Variants in HOXC11 observed in about 807,000 individuals in gnomAD.
HOXC11 encodes homeobox C11, also known as homeobox protein Hox-C11.
Under a neutral mutation model 23.6 loss-of-function variants are expected in HOXC11, and 17 were observed. The observed-to-expected ratio is 0.72, with a 90% confidence interval of 0.49 to 1.08. The LOEUF (loss-of-function observed/expected upper bound fraction) is 1.08, where lower values mean the gene tolerates loss of function less well. Among genes scored for constraint, HOXC11 ranks in the 50% least tolerant of loss-of-function variants. HOXC11 has a pLI of 0.00. For missense variants in HOXC11, 413 were observed against 412.1 expected (o/e 1.00, Z -0.02); for synonymous variants, 196 against 183.8 (o/e 1.07, Z -0.54).
chr12:53,974,599 C>T (rs557053867), intron 1 of HOXC11, among the ~76,000 whole-genome samples: 52 of 152,134 alleles, frequency 3.4e-4, no homozygotes, highest in African/African-American at 1.2e-3. Context: ...GGGCGTTTCT[C>T]CCGGGTCCGC....
Position 53,973,228 on chromosome 12 carries a change from A to G in HOXC11, c.-14A>G. 1 of 1,545,468 alleles carries G rather than the reference A, an allele frequency of 6.5e-7. No homozygotes were observed. The highest frequency in any genetic ancestry group is 8.7e-7 in the Non-Finnish European group (1 of 1,150,024). On this transcript the variant is annotated 5_prime_UTR_variant, in exon 1 of 2. Coordinates refer to ENST00000546378, the MANE Select transcript of HOXC11 (RefSeq NM_014212.4). The surrounding 1 kb of genome is among the most constrained non-coding windows in gnomAD (Gnocchi z 4.3). ...TCCAAAACCTCCATCCGGAGCCGGC[A>G]GGAGAGGAGAACGATGTTTAACTCG...
Position 53,973,420 on chromosome 12 carries a change from C to G in HOXC11, c.179C>G (p.Ser60Cys), listed in dbSNP as rs1565714101. The G allele has an allele frequency of 6.2e-7, 1 of 1,614,232 alleles. No individual in the cohort carries two copies. The highest frequency in any genetic ancestry group is 8.5e-7 in the Non-Finnish European group (1 of 1,180,046). ...CCCCAGGCCCCCTCTCGTCAGATCT[C>G]CTATCCCTACTCGGCCCAAGTGCCC... is the stretch of plus-strand genomic sequence containing the variant. ...FLPQAPSRQISYPYSAQVPPV... is the reference protein window; with the variant it reads ...FLPQAPSRQICYPYSAQVPPV... Residue 60 changes from serine (S) to cysteine (C), a missense_variant, in exon 1 of 2, where the codon TCC (serine) becomes TGC (cysteine). By Grantham distance (112) the Ser-to-Cys change is moderately radical (BLOSUM62 -1). Coordinates refer to ENST00000546378, the MANE Select transcript of HOXC11 (RefSeq NM_014212.4). This position sits in a 1 kb window ranked among gnomAD's most constrained non-coding sequence, Gnocchi z 4.3.
rs369638511 is a variant in HOXC11 at position 53,973,600 on chromosome 12, C to T, written c.359C>T (p.Ser120Phe). 38 of 1,613,544 alleles carry T rather than the reference C, an allele frequency of 2.4e-5. No homozygotes were observed. Among genetic ancestry groups the T allele is most frequent in the African/African-American group, 4.0e-5 (3 of 74,902 alleles). The part of the protein sequence containing the change: ...VTEILMKNEG[S>F]YGGHHHPSAP... ...GAGATCCTCATGAAAAACGAAGGCT[C>T]CTACGGCGGCCACCACCACCCCAGC... The change falls in exon 1 of 2, where the codon TCC becomes TTC. Residue 120 changes from serine (S) to phenylalanine (F), a missense_variant. Coordinates refer to ENST00000546378, the MANE Select transcript of HOXC11 (RefSeq NM_014212.4). This position sits in a 1 kb window ranked among gnomAD's most constrained non-coding sequence, Gnocchi z 4.3.
intron 1 of HOXC11, chr12:53,974,793 T>G: frequency 5.9e-6 from 1 of 169,140 alleles, no homozygotes; most frequent in Non-Finnish European, 1.2e-5. Context: ...CCCCCCAGAT[T>G]TCTGGGGGAG....
intron 1 of HOXC11, 27 bp from the exon 2 acceptor site, chr12:53,975,154 C>T: frequency 2.2e-6 from 2 of 915,548 alleles, no homozygotes; most frequent in Non-Finnish European, 3.4e-6. Context: ...CCCCTCTCCT[C>T]GCACTTGCCC....
rs1278584567 is a variant in HOXC11, at chr12:53,973,703, C to A, written c.462C>A (p.Phe154Leu). Reference sequence around the variant, plus strand: ...TCCTGCCTCAAGCCTTCGACCGTTTCTTCGACAACGCCTACTGCGGTGGCG... The same window carrying A: ...TCCTGCCTCAAGCCTTCGACCGTTTATTCGACAACGCCTACTGCGGTGGCG... ...NSVLPQAFDR[F>L]FDNAYCGGGD... Residue 154 changes from phenylalanine to leucine, a missense_variant, in exon 1 of 2, where the codon TTC (phenylalanine) becomes TTA (leucine). Coordinates refer to ENST00000546378, the MANE Select transcript of HOXC11 (RefSeq NM_014212.4). This position sits in a 1 kb window ranked among gnomAD's most constrained non-coding sequence, Gnocchi z 4.3. 6.2e-7 allele frequency: 1 copy of A among 1,613,648 alleles called. No individual in the cohort carries two copies. The highest frequency in any genetic ancestry group is 1.1e-5 in the South Asian group (1 of 91,092).
intron 1 of HOXC11, among the ~76,000 whole-genome samples, chr12:53,974,431 C>G (rs1939212056): frequency 6.6e-6 from 1 of 152,156 alleles, no homozygotes; most frequent in Middle Eastern, 3.4e-3. Flanking sequence ...GAGAGGCAAG[C>G]CAGGACCGCT....
In HOXC11 at chr12:53,976,741, G is replaced by A. The variant is rs1939267512; in HGVS notation, c.*1328G>A. 6.6e-6 allele frequency: 1 copy of A among 152,358 alleles called. No individual in the cohort carries two copies. Among genetic ancestry groups the A allele is most frequent in the Non-Finnish European group, 1.5e-5 (1 of 68,134 alleles). 9.4% of individuals were successfully genotyped at this position (152,358 alleles called of 1,614,324 possible). A position where few individuals can be genotyped will look rare whatever the true frequency, so the allele number is the denominator to read the frequency against. ...TGTTTAAGTACACGTTTGTTGTGGA[G>A]TTAATTGTAACCATCATCGAATTTA... On this transcript the variant is annotated 3_prime_UTR_variant, in exon 2 of 2. Coordinates refer to ENST00000546378, the MANE Select transcript of HOXC11 (RefSeq NM_014212.4).
chr12:53,974,334 GA>G (rs1480059247), intron 1 of HOXC11, among the ~76,000 whole-genome samples: 1 of 147,840 alleles, frequency 6.8e-6, no homozygotes, highest in East Asian at 2.1e-4. Context: ...TGGAGGGGGA[GA>G]AAGGGGAGGG....
rs1167651800 is a variant in HOXC11 at position 53,975,368 on chromosome 12, G to A, written c.870G>A (p.Leu290=). 6.2e-7 allele frequency: 1 copy of A among 1,613,832 alleles called. No individual in the cohort carries two copies. Among genetic ancestry groups the A allele is most frequent in the African/African-American group, 1.3e-5 (1 of 74,988 alleles). Residue 290 remains leucine (L), a synonymous_variant, in exon 2 of 2, where the codon CTG becomes CTA. Transcript: ENST00000546378. ...FQNRRMKEKK[L]SRDRLQYFSG... is the part of the protein sequence containing the mutation. ...ACAGAAGGATGAAAGAAAAGAAACT[G>A]AGCAGAGACCGGCTGCAGTATTTCT...
In HOXC11 at chr12:53,977,595, A is replaced by G. The variant is rs1939282537; in HGVS notation, c.*2182A>G. The G allele has an allele frequency of 6.6e-6, 1 of 152,058 alleles. No homozygotes were observed. Among genetic ancestry groups the G allele is most frequent in the African/African-American group, 2.4e-5 (1 of 41,396 alleles). 9.4% of individuals were successfully genotyped at this position (152,058 alleles called of 1,614,324 possible). A position where few individuals can be genotyped will look rare whatever the true frequency, so the allele number is the denominator to read the frequency against. On this transcript the variant is annotated 3_prime_UTR_variant, in exon 2 of 2. Coordinates refer to ENST00000546378, the MANE Select transcript of HOXC11 (RefSeq NM_014212.4). ...GTGCACATAAGAAGGAATATTATTT[A>G]TATGCTTTTGTCTGTTGCATGGAGT...
chr12:53,975,450 GA>G lies in HOXC11; in HGVS notation c.*41del, dbSNP rs1939239196. ...GGCCCTTTTGGGGGCGGGGGGAGGG[GA>G]AAATTATTTTATTTTATTTTTATTT... On this transcript the variant is annotated 3_prime_UTR_variant, in exon 2 of 2. Coordinates refer to ENST00000546378, the MANE Select transcript of HOXC11 (RefSeq NM_014212.4). The G allele has an allele frequency of 1.7e-6, 1 of 604,474 alleles. No individual in the cohort carries two copies. Among genetic ancestry groups the G allele is most frequent in the East Asian group, 4.1e-5 (1 of 24,320 alleles). The allele number at this position is 604,474 out of a possible 1,614,324, so 37.4% of individuals were successfully genotyped here.
In HOXC11 at chr12:53,973,187, C is replaced by A; in HGVS notation, c.-55C>A. The A allele has an allele frequency of 2.1e-6, 3 of 1,433,480 alleles. No individual in the cohort carries two copies. The highest frequency in any genetic ancestry group is 1.9e-6 in the Non-Finnish European group (2 of 1,069,528). The allele number at this position is 1,433,480 out of a possible 1,614,324, so 88.8% of individuals were successfully genotyped here. ...TCATCTCGCCTTCCCAAATTTTCCC[C>A]CCTCGCTAGACCGGGTCCAAAACCT... On this transcript the variant is annotated 5_prime_UTR_variant, in exon 1 of 2. Coordinates refer to ENST00000546378, the MANE Select transcript of HOXC11 (RefSeq NM_014212.4). This position sits in a 1 kb window ranked among gnomAD's most constrained non-coding sequence, Gnocchi z 4.3.
Position 53,975,974 on chromosome 12 carries a change from G to T in HOXC11, c.*561G>T, listed in dbSNP as rs1939251045. 7.9e-6 allele frequency: 2 copies of T among 251,608 alleles called. No homozygotes were observed. The highest frequency in any genetic ancestry group is 1.5e-5 in the Non-Finnish European group (2 of 131,236). 15.6% of individuals were successfully genotyped at this position (251,608 alleles called of 1,614,324 possible). ...AAGTCCGTGTCCTACCTCCGTCTTC[G>T]CCAAGGCCCCGCCCGAGCCTAGTTG... On this transcript the variant is annotated 3_prime_UTR_variant, in exon 2 of 2. Transcript: ENST00000546378.
chr12:53,973,936 G>C lies in HOXC11; in HGVS notation c.682+13G>C, dbSNP rs1442156378. 1.4e-6 allele frequency: 2 copies of C among 1,435,682 alleles called. No individual in the cohort carries two copies. The highest frequency in any genetic ancestry group is 5.2e-5 in the East Asian group (2 of 38,568). The allele number at this position is 1,435,682 out of a possible 1,614,324, so 88.9% of individuals were successfully genotyped here. A position where few individuals can be genotyped will look rare whatever the true frequency, so the allele number is the denominator to read the frequency against. ...GGAGCCGCCCCCAGTAGGTAGCAGC[G>C]GCCGGGGAACGGGCGGGCAGCGAGG... is the stretch of plus-strand genomic sequence containing the variant. On this transcript the variant is annotated intron_variant, in intron 1 of 1. Transcript: ENST00000546378. This position sits in a 1 kb window ranked among gnomAD's most constrained non-coding sequence, Gnocchi z 4.3.
chr12:53,973,197 A>G lies in HOXC11; in HGVS notation c.-45A>G. 2.0e-6 allele frequency: 3 copies of G among 1,491,778 alleles called. No homozygotes were observed. The highest frequency in any genetic ancestry group is 2.7e-6 in the Non-Finnish European group (3 of 1,117,206). The allele number at this position is 1,491,778 out of a possible 1,614,324, so 92.4% of individuals were successfully genotyped here. On this transcript the variant is annotated 5_prime_UTR_variant, in exon 1 of 2. Transcript: ENST00000546378. This position sits in a 1 kb window ranked among gnomAD's most constrained non-coding sequence, Gnocchi z 4.3. ...TTCCCAAATTTTCCCCCCTCGCTAGACCGGGTCCAAAACCTCCATCCGGAG... is the reference window on the plus strand; with the variant it reads ...TTCCCAAATTTTCCCCCCTCGCTAGGCCGGGTCCAAAACCTCCATCCGGAG...
At chr12:53,974,102 C>T (rs1248385425) in intron 1 of HOXC11, among the ~76,000 whole-genome samples, 179 bp downstream of exon 1, 1 of 152,088 alleles carries the variant, frequency 6.6e-6, no homozygotes, top group East Asian at 1.9e-4. Context: ...GCCCTCTCTC[C>T]CAACGACTCG....
chr12:53,974,961 G>T, intron 1 of HOXC11: 1 of 554,800 alleles, frequency 1.8e-6, no homozygotes, highest in South Asian at 2.3e-5. Flanking sequence ...AACTGGGGAC[G>T]GGGTGGCGCA....
chr12:53,973,825 C>G lies in HOXC11; in HGVS notation c.584C>G (p.Ala195Gly). 1 of 1,499,396 alleles carries G rather than the reference C, an allele frequency of 6.7e-7. No homozygotes were observed. Among genetic ancestry groups the G allele is most frequent in the Non-Finnish European group, 8.9e-7 (1 of 1,125,788 alleles). The allele number at this position is 1,499,396 out of a possible 1,614,324, so 92.9% of individuals were successfully genotyped here. A position where few individuals can be genotyped will look rare whatever the true frequency, so the allele number is the denominator to read the frequency against. The change falls in exon 1 of 2, where the codon GCG becomes GGG. Residue 195 changes from alanine (A) to glycine (G), a missense_variant. By Grantham distance (60) the Ala-to-Gly change is moderately conservative (BLOSUM62 0). Transcript: ENST00000546378. This position sits in a 1 kb window ranked among gnomAD's most constrained non-coding sequence, Gnocchi z 4.3. ...TCGGGACTGGCGTCCCGGGCTGAGG[C>G]GGGTGCCGAGGCGGAGGCTGAGGAG... ...PASGLASRAEAGAEAEAEEEN... is the reference protein window; with the variant it reads ...PASGLASRAEGGAEAEAEEEN...
Sources: gnomAD v4.1 joint callset for allele counts (sites outside exome capture counted in the v4.1 genomes callset) on GRCh38, gnomAD v4.1.1 for gene constraint, Gnocchi (gnomAD v3.1) non-coding constraint, MANE v1.5 for transcripts, NCBI Gene and HGNC (gene_info 2026-07-23, HGNC 2026-07-21) for gene names.